SCYL3: variants seen among roughly 807,000 people sequenced by gnomAD.
SCYL3 encodes the protein SCY1 like pseudokinase 3.
In SCYL3, 35 loss-of-function variants were observed where a neutral mutation model predicts 73.8. The observed-to-expected ratio is 0.47, with a 90% CI of 0.36 to 0.63. SCYL3 has a LOEUF of 0.63. Ranked by LOEUF, SCYL3 falls within the 20% of genes least tolerant of loss-of-function variation. The pLI is 0.00. For synonymous variants in SCYL3, 277 were observed against 295.2 expected (o/e 0.94, Z 0.63); for missense variants, 712 against 798.9 (o/e 0.89, Z 1.31).
rs1434543030 is a variant in SCYL3 at position 169,854,512 on chromosome 1, G to T, written c.1765C>A (p.Gln589Lys). 2 of 1,613,994 alleles carry T rather than the reference G, an allele frequency of 1.2e-6. No individual in the cohort carries two copies. The highest frequency in any genetic ancestry group is 1.1e-5 in the South Asian group (1 of 91,072). ...GATGGAACCTTAAGGGGCCTTTCTT[G>T]TGATGACACTTTTGGCGGCTCGATT... ...DQIEPPKVSS[Q>K]ERPLKVPSEL... The change falls in exon 12 of 13, where the codon CAA becomes AAA. Residue 589 changes from glutamine to lysine, a missense_variant. Transcript: ENST00000367771.
At chr1:169,853,919 A>C (rs1298150747) in intron 12 of SCYL3, 147 bp from the exon 13 acceptor site, 1 of 862,160 alleles carries the variant, frequency 1.2e-6, no homozygotes, top group Admixed American at 2.6e-5. Flanking sequence ...TAGAGCTCTA[A>C]CAGAAAGTTG....
rs1658447311 is a variant in SCYL3 at position 169,852,169 on chromosome 1, G to C, written c.*1544C>G. ...TTGAATTATTGGTAGTAACCTTTAA[G>C]GGAAGTTACATATTGTACCAGTGAT... On this transcript the variant is annotated 3_prime_UTR_variant, in exon 13 of 13. Coordinates refer to ENST00000367771, the MANE Select transcript of SCYL3 (RefSeq NM_020423.7). The C allele has an allele frequency of 1.7e-6, 1 of 574,052 alleles. No individual in the cohort carries two copies. The highest frequency in any genetic ancestry group is 3.1e-5 in the East Asian group (1 of 31,800). 35.6% of individuals were successfully genotyped at this position (574,052 alleles called of 1,614,324 possible).
chr1:169,858,370 T>TA (rs1341298932), intron 11 of SCYL3, among the ~76,000 whole-genome samples: 6 of 152,342 alleles, frequency 3.9e-5, no homozygotes, highest in African/African-American at 1.4e-4. Context: ...GTCTTTGACC[T>TA]CCACAGCTTA....
At chr1:169,884,541 AC>A (rs1414615968) in intron 2 of SCYL3, among the ~76,000 whole-genome samples, 1 of 152,026 alleles carries the variant, frequency 6.6e-6, no homozygotes, top group Non-Finnish European at 1.5e-5. Context: ...CAGGTGATCC[AC>A]CTACCTCGGC....
In SCYL3 at chr1:169,850,074, A is replaced by G; in HGVS notation, c.*3639T>C. ...AGCAGAAGTAATTAAAGCTTACAAC[A>G]CTTGTACAGAAGTTAATTTTGTATT... On this transcript the variant is annotated 3_prime_UTR_variant, in exon 13 of 13. Transcript: ENST00000367771. 1.7e-6 allele frequency: 1 copy of G among 579,066 alleles called. No individual in the cohort carries two copies. Among genetic ancestry groups the G allele is most frequent in the Non-Finnish European group, 3.1e-6 (1 of 325,700 alleles). 35.9% of individuals were successfully genotyped at this position (579,066 alleles called of 1,614,324 possible).
rs761847394 is a variant in SCYL3, at chr1:169,852,750, T to C, written c.*963A>G. Reference sequence around the variant, plus strand: ...GTCCAAAAGGAAGGTTCTTTATATTTAGAATGGATATTGTGATATTACTTA... The same window carrying C: ...GTCCAAAAGGAAGGTTCTTTATATTCAGAATGGATATTGTGATATTACTTA... On this transcript the variant is annotated 3_prime_UTR_variant, in exon 13 of 13. Coordinates refer to ENST00000367771, the MANE Select transcript of SCYL3 (RefSeq NM_020423.7). The C allele has an allele frequency of 1.6e-5, 26 of 1,593,310 alleles. No individual in the cohort carries two copies. Among genetic ancestry groups the C allele is most frequent in the Non-Finnish European group, 2.1e-5 (25 of 1,165,450 alleles).
At chr1:169,891,331 C>A (rs979311528) in intron 1 of SCYL3, among the ~76,000 whole-genome samples, 2 of 152,172 alleles carry the variant, frequency 1.3e-5, no homozygotes, top group African/African-American at 4.8e-5. Flanking sequence ...TCAAGACTAC[C>A]GGAAGCCCAG....
Position 169,853,289 on chromosome 1 carries a change from A to ATAATT in SCYL3, c.*419_*423dup, listed in dbSNP as rs1215182160. On this transcript the variant is annotated 3_prime_UTR_variant, in exon 13 of 13. Coordinates refer to ENST00000367771, the MANE Select transcript of SCYL3 (RefSeq NM_020423.7). ...ACCTCAGCAATTTAAAATCATTTATATAATTTATAGCTAAAATTTTTTAAA... is the reference window on the plus strand; with the variant it reads ...ACCTCAGCAATTTAAAATCATTTATATAATTTAATTTATAGCTAAAATTTTTTAAA... 7.5e-5 allele frequency: 27 copies of ATAATT among 358,370 alleles called. No homozygotes were observed. In the East Asian group the frequency reaches 1.4e-3, roughly 18 times the overall value. The allele number at this position is 358,370 out of a possible 1,614,324, so 22.2% of individuals were successfully genotyped here.
intron 9 of SCYL3, 114 bp downstream of exon 9, chr1:169,864,255 C>G: frequency 7.2e-7 from 1 of 1,382,580 alleles, no homozygotes; most frequent in Non-Finnish European, 1.0e-6. Flanking sequence ...CAATTGTTCT[C>G]CGTTTTTAGA....
At chr1:169,874,418 T>G (rs930423520) in intron 4 of SCYL3, among the ~76,000 whole-genome samples, 2 of 152,148 alleles carry the variant, frequency 1.3e-5, no homozygotes, top group Non-Finnish European at 2.9e-5. Flanking sequence ...GGGTGACTAA[T>G]TTTGTTGGGC....
chr1:169,864,245 C>G, intron 9 of SCYL3, 124 bp downstream of exon 9: 2 of 1,296,136 alleles, frequency 1.5e-6, no homozygotes, highest in Admixed American at 1.9e-5. Flanking sequence ...CAGGGGCCAA[C>G]AATTGTTCTC....
chr1:169,853,143 T>C lies in SCYL3; in HGVS notation c.*570A>G. The C allele has an allele frequency of 1.3e-6, 1 of 744,878 alleles. No individual in the cohort carries two copies. Among genetic ancestry groups the C allele is most frequent in the Non-Finnish European group, 2.2e-6 (1 of 458,312 alleles). The allele number at this position is 744,878 out of a possible 1,614,324, so 46.1% of individuals were successfully genotyped here. A position where few individuals can be genotyped will look rare whatever the true frequency, so the allele number is the denominator to read the frequency against. ...TAGAGAACAGGATTGTGGGGAATAT[T>C]CTTATTAAGAACTTTGGTACAATGT... On this transcript the variant is annotated 3_prime_UTR_variant, in exon 13 of 13. Transcript: ENST00000367771.
intron 12 of SCYL3, 61 bp from the exon 13 acceptor site, chr1:169,853,833 G>C: frequency 6.4e-7 from 1 of 1,572,960 alleles, no homozygotes; most frequent in Non-Finnish European, 8.7e-7. Flanking sequence ...AAAATCATAC[G>C]CAAATTTGAA....
At chr1:169,864,346 T>C in intron 9 of SCYL3, 23 bp downstream of exon 9, 1 of 1,613,332 alleles carries the variant, frequency 6.2e-7, no homozygotes, top group Non-Finnish European at 8.5e-7. Flanking sequence ...TAACTAGCAA[T>C]AACACTTTGA....
rs546576865 is a variant in SCYL3 at position 169,882,227 on chromosome 1, C to T, written c.166-3408G>A. 1.4e-4 allele frequency among the ~76,000 whole-genome samples: 22 copies of T among 152,324 alleles called. No homozygotes were observed. In the South Asian group the frequency reaches 3.5e-3, roughly 24 times the overall value. On this transcript the variant is annotated intron_variant, in intron 2 of 12. Coordinates refer to ENST00000367771, the MANE Select transcript of SCYL3 (RefSeq NM_020423.7). ...GGAGCAGCCGGCAGGCCCTGCCACCCGGGGCAATGAGGTGCTTAGCACCTG... is the reference window on the plus strand; with the variant it reads ...GGAGCAGCCGGCAGGCCCTGCCACCTGGGGCAATGAGGTGCTTAGCACCTG...
rs1476269450 is a variant in SCYL3 at position 169,853,271 on chromosome 1, CA to C, written c.*441del. The C allele has an allele frequency of 5.2e-6, 2 of 387,868 alleles. No homozygotes were observed. The highest frequency in any genetic ancestry group is 9.2e-6 in the Non-Finnish European group (2 of 218,042). The allele number at this position is 387,868 out of a possible 1,614,324, so 24.0% of individuals were successfully genotyped here. On this transcript the variant is annotated 3_prime_UTR_variant, in exon 13 of 13. Transcript: ENST00000367771. The stretch of plus-strand genomic sequence containing the variant: ...AATAAGCTGCCTAAGGAAACCTCAG[CA>C]ATTTAAAATCATTTATATAATTTAT...
At chr1:169,885,422 G>A (rs1000628166) in intron 2 of SCYL3, among the ~76,000 whole-genome samples, 1 of 152,120 alleles carries the variant, frequency 6.6e-6, no homozygotes, top group African/African-American at 2.4e-5. Flanking sequence ...AACTGACTCA[G>A]CATTACAGCC....
At chr1:169,879,634 T>G (rs535853666) in intron 2 of SCYL3, among the ~76,000 whole-genome samples, 1 of 152,314 alleles carries the variant, frequency 6.6e-6, no homozygotes, top group South Asian at 2.1e-4. Flanking sequence ...TGACATCGTA[T>G]TCAAAATGTC....
chr1:169,861,929 G>A (rs887121998), intron 10 of SCYL3, among the ~76,000 whole-genome samples: 6 of 152,078 alleles, frequency 3.9e-5, no homozygotes, highest in South Asian at 2.1e-4. Flanking sequence ...AGAAGGCCAC[G>A]TGACAACAGA....
Sources: allele counts gnomAD v4.1 joint callset (sites outside exome capture counted in the v4.1 genomes callset), GRCh38; gene constraint gnomAD v4.1.1; transcripts MANE v1.5; gene names NCBI Gene and HGNC (gene_info 2026-07-23, HGNC 2026-07-21).